Variants in SCARF2 observed in about 807,000 individuals in gnomAD.
SCARF2 encodes scavenger receptor class F member 2, also known as scavenger receptor expressed by endothelial cells 2 protein.
In SCARF2, 39 loss-of-function variants were observed where a neutral mutation model predicts 73.4. The observed-to-expected ratio is 0.53, with a 90% CI of 0.41 to 0.69. The LOEUF is 0.69. Among genes scored for constraint, SCARF2 ranks in the 30% least tolerant of loss-of-function variants. SCARF2 has a pLI of 0.00. For synonymous variants in SCARF2, 605 were observed against 590.0 expected, an observed-to-expected ratio of 1.03 and a Z score of -0.37; for missense variants, 1,148 against 1,303.5, an observed-to-expected ratio of 0.88 and a Z score of 1.84.
At position 20,431,833 on chromosome 22, in the gene SCARF2, G is replaced by C. The variant is rs1038676710; in HGVS notation, c.246C>G (p.Gly82=). ...CCTCGTTCTCTGAGCACGTGGAGTT[G>C]CCTTCGCACACCGCTGTGGACGAGA... is the stretch of plus-strand genomic sequence containing the variant. The part of the protein sequence containing the change: ...GDECGIAVCE[G]NSTCSENEVC... Residue 82 remains glycine (G), a synonymous_variant, in exon 3 of 11, where the codon GGC becomes GGG. Coordinates refer to ENST00000622235, the MANE Select transcript of SCARF2 (RefSeq NM_182895.5). The C allele has an allele frequency of 6.3e-7, 1 of 1,598,832 alleles. No individual in the cohort carries two copies.
chr22:20,425,539 C>A lies in SCARF2; in HGVS notation c.2437G>T (p.Ala813Ser). 1 of 1,340,272 alleles carries A rather than the reference C, an allele frequency of 7.5e-7. No homozygotes were observed. 83.0% of individuals were successfully genotyped at this position (1,340,272 alleles called of 1,614,324 possible). Residue 813 changes from alanine (A) to serine (S), a missense_variant, in exon 11 of 11, where the codon GCC (alanine) becomes TCC (serine). Physicochemically the swap from Ala to Ser is moderately conservative, Grantham distance 99 (BLOSUM62 1). Transcript: ENST00000622235. The surrounding 1 kb of genome is among the most constrained non-coding windows in gnomAD (Gnocchi z 4.6). ...AKRSVPPASP[A>S]RAPPATETPG... is the part of the protein sequence containing the mutation. ...GTTTCGGTCGCTGGGGGCGCGCGGG[C>A]GGGCGAGGCTGGCGGCACGGAGCGC...
chr22:20,436,997 C>T (rs908341519), intron 1 of SCARF2, among the ~76,000 whole-genome samples: 1 of 152,216 alleles, frequency 6.6e-6, no homozygotes, highest in Non-Finnish European at 1.5e-5. Context: ...GTCCCCTGTG[C>T]CTGTCATAGT....
At chr22:20,432,355 G>C (rs137865733) in intron 1 of SCARF2, among the ~76,000 whole-genome samples, 1 of 152,202 alleles carries the variant, frequency 6.6e-6, no homozygotes, top group Admixed American at 6.5e-5. Flanking sequence ...AGGGTCTAGG[G>C]CATCCCTCCA....
At chr22:20,432,311 G>A (rs1012356588) in intron 1 of SCARF2, among the ~76,000 whole-genome samples, 3 of 152,218 alleles carry the variant, frequency 2.0e-5, no homozygotes, top group Non-Finnish European at 4.4e-5. Flanking sequence ...CAGCCAGGGA[G>A]AAGACCATGG....
intron 1 of SCARF2, among the ~76,000 whole-genome samples, chr22:20,435,303 A>C (rs1229929166): frequency 6.6e-6 from 1 of 152,190 alleles, no homozygotes; most frequent in East Asian, 1.9e-4. Context: ...AAATGGGATC[A>C]CTTCCTCCTT....
intron 9 of SCARF2, among the ~76,000 whole-genome samples, chr22:20,428,062 C>T (rs1159205713): frequency 6.6e-6 from 1 of 152,230 alleles, no homozygotes; most frequent in Non-Finnish European, 1.5e-5. Context: ...GCCCCAGAAG[C>T]TGGCTAGCCT....
At chr22:20,433,264 G>A (rs1247387677) in intron 1 of SCARF2, among the ~76,000 whole-genome samples, 1 of 152,166 alleles carries the variant, frequency 6.6e-6, no homozygotes, top group Non-Finnish European at 1.5e-5. Flanking sequence ...CAAGGCTGCG[G>A]GATCCTAGGT....
In SCARF2 at chr22:20,425,934, G is replaced by C; in HGVS notation, c.2042C>G (p.Pro681Arg). 1.3e-6 allele frequency: 2 copies of C among 1,596,038 alleles called. No individual in the cohort carries two copies. The highest frequency in any genetic ancestry group is 1.7e-6 in the Non-Finnish European group (2 of 1,174,924). Reference protein sequence around the residue: ...KHSAAAAGRAPSPPPPGSEAA... With the variant: ...KHSAAAAGRARSPPPPGSEAA... Reference sequence around the variant, plus strand: ...CTCGGAGCCTGGCGGCGGTGGTGAGGGCGCACGGCCAGCTGCAGCGGCGCT... The same window carrying C: ...CTCGGAGCCTGGCGGCGGTGGTGAGCGCGCACGGCCAGCTGCAGCGGCGCT... The change falls in exon 11 of 11, where the codon CCC becomes CGC. Residue 681 changes from proline to arginine, a missense_variant. Physicochemically the swap from Pro to Arg is moderately radical, Grantham distance 103 (BLOSUM62 -2). This residue lies in a region of SCARF2 where 437 missense variants were observed against 433.6 expected (regional missense o/e 1.01). Coordinates refer to ENST00000622235, the MANE Select transcript of SCARF2 (RefSeq NM_182895.5). This position sits in a 1 kb window ranked among gnomAD's most constrained non-coding sequence, Gnocchi z 4.6.
intron 1 of SCARF2, 69 bp from the exon 2 acceptor site, chr22:20,432,057 C>G (rs1244595774): frequency 6.8e-7 from 1 of 1,476,196 alleles, no homozygotes; most frequent in Non-Finnish European, 9.2e-7. Flanking sequence ...CGGGCTCCTC[C>G]GCAGCCTCCG....
Position 20,429,837 on chromosome 22 carries a change from C to CCGGG in SCARF2, c.1203-8_1203-5dup, listed in dbSNP as rs775910848. 6.2e-7 allele frequency: 1 copy of CCGGG among 1,612,330 alleles called. No individual in the cohort carries two copies. Among genetic ancestry groups the CCGGG allele is most frequent in the Non-Finnish European group, 8.5e-7 (1 of 1,179,632 alleles). On this transcript the variant is annotated splice_region_variant and splice_polypyrimidine_tract_variant and intron_variant, in intron 6 of 10. Transcript: ENST00000622235. The surrounding 1 kb of genome is among the most constrained non-coding windows in gnomAD (Gnocchi z 5.2). Reference sequence around the variant, plus strand: ...GGGCGGGCACGTCACGTTACAGCTGCCGGGACATAGGGTCAAGGCATGCCA... The same window carrying CCGGG: ...GGGCGGGCACGTCACGTTACAGCTGCCGGGCGGGACATAGGGTCAAGGCATGCCA...
chr22:20,433,559 C>A (rs529912705), intron 1 of SCARF2, among the ~76,000 whole-genome samples: 1 of 152,306 alleles, frequency 6.6e-6, no homozygotes, highest in East Asian at 1.9e-4. Flanking sequence ...AATACCACCC[C>A]TTGTACAGAG....
rs1298748392 is a variant in SCARF2, at chr22:20,425,041, C to T, written c.*334G>A. 3.5e-6 allele frequency: 1 copy of T among 285,422 alleles called. No individual in the cohort carries two copies. Among genetic ancestry groups the T allele is most frequent in the Non-Finnish European group, 6.5e-6 (1 of 153,306 alleles). 17.7% of individuals were successfully genotyped at this position (285,422 alleles called of 1,614,324 possible). A position where few individuals can be genotyped will look rare whatever the true frequency, so the allele number is the denominator to read the frequency against. ...GAAGGTAGCCCTAACCAAGTCCACT[C>T]CTGGCCAGTAAGAGGCGGTCTTTAA... On this transcript the variant is annotated 3_prime_UTR_variant, in exon 11 of 11. Coordinates refer to ENST00000622235, the MANE Select transcript of SCARF2 (RefSeq NM_182895.5). The surrounding 1 kb of genome is among the most constrained non-coding windows in gnomAD (Gnocchi z 4.6).
Position 20,426,038 on chromosome 22 carries a change from C to T in SCARF2, c.1938G>A (p.Ser646=), listed in dbSNP as rs1169558480. ...ARGEIGGLSL[S]PSPERRKPPP... ...GCGGTTTCCTGCGCTCGGGCGATGGCGACAGCGACAGGCCCCCAATCTCGC... is the reference window on the plus strand; with the variant it reads ...GCGGTTTCCTGCGCTCGGGCGATGGTGACAGCGACAGGCCCCCAATCTCGC... The change falls in exon 11 of 11, where the codon TCG becomes TCA. Residue 646 remains serine (S), a synonymous_variant. Transcript: ENST00000622235. 4 of 1,576,622 alleles carry T rather than the reference C, an allele frequency of 2.5e-6. No individual in the cohort carries two copies. The highest frequency in any genetic ancestry group is 3.4e-6 in the Non-Finnish European group (4 of 1,169,990).
At position 20,425,971 on chromosome 22, in the gene SCARF2, G is replaced by A. The variant is rs1443498467; in HGVS notation, c.2005C>T (p.His669Tyr). 2 of 1,594,180 alleles carry A rather than the reference G, an allele frequency of 1.3e-6. No individual in the cohort carries two copies. The highest frequency in any genetic ancestry group is 1.7e-6 in the Non-Finnish European group (2 of 1,174,934). The change falls in exon 11 of 11, where the codon CAC becomes TAC. Residue 669 changes from histidine (H) to tyrosine (Y), a missense_variant. Physicochemically the swap from His to Tyr is moderately conservative, Grantham distance 83. Coordinates refer to ENST00000622235, the MANE Select transcript of SCARF2 (RefSeq NM_182895.5). The surrounding 1 kb of genome is among the most constrained non-coding windows in gnomAD (Gnocchi z 4.6). ...GCTGCAGCGGCGCTGTGCTTGCCGT[G>A]GATCCAGGACACCTTAGGCTTGGTG... is the stretch of plus-strand genomic sequence containing the variant. ...PATKPKVSWI[H>Y]GKHSAAAAGR...
At chr22:20,437,449 G>C in intron 1 of SCARF2, 133 bp downstream of exon 1, 1 of 961,294 alleles carries the variant, frequency 1.0e-6, no homozygotes, top group Non-Finnish European at 1.5e-6. Context: ...ACGGAGCCGC[G>C]CTGGCTAGGG....
chr22:20,429,846 A>AG lies in SCARF2; in HGVS notation c.1203-14dup. ...CGTCACGTTACAGCTGCCGGGACAT[A>AG]GGGTCAAGGCATGCCACAGCCGCCC... On this transcript the variant is annotated splice_polypyrimidine_tract_variant and intron_variant, in intron 6 of 10. Transcript: ENST00000622235. This position sits in a 1 kb window ranked among gnomAD's most constrained non-coding sequence, Gnocchi z 5.2. 1 of 1,611,472 alleles carries AG rather than the reference A, an allele frequency of 6.2e-7. No homozygotes were observed. The highest frequency in any genetic ancestry group is 8.5e-7 in the Non-Finnish European group (1 of 1,179,254).
rs2052631239 is a variant in SCARF2, at chr22:20,430,509, G to A, written c.1122C>T (p.Phe374=). The change falls in exon 6 of 11, where the codon TTC becomes TTT. Residue 374 remains phenylalanine, a synonymous_variant. Coordinates refer to ENST00000622235, the MANE Select transcript of SCARF2 (RefSeq NM_182895.5). Reference sequence around the variant, plus strand: ...GTCCGCTGCCGCAGTCGGCGCACACGAAGGCGCAGTCCTCGCCGTAAGTGC... The same window carrying A: ...GTCCGCTGCCGCAGTCGGCGCACACAAAGGCGCAGTCCTCGCCGTAAGTGC... ...SNGTYGEDCA[F]VCADCGSGHC... 7.5e-6 allele frequency: 12 copies of A among 1,605,812 alleles called. No homozygotes were observed. Among genetic ancestry groups the A allele is most frequent in the Non-Finnish European group, 8.5e-6 (10 of 1,176,786 alleles).
chr22:20,435,531 G>A (rs2052690908), intron 1 of SCARF2, among the ~76,000 whole-genome samples: 1 of 152,132 alleles, frequency 6.6e-6, no homozygotes, highest in African/African-American at 2.4e-5. Context: ...ACGGTGGCCT[G>A]CCCACCCTCA....
In SCARF2 at chr22:20,429,912, G is replaced by T; in HGVS notation, c.1203-79C>A. 1 of 1,432,912 alleles carries T rather than the reference G, an allele frequency of 7.0e-7. No homozygotes were observed. The highest frequency in any genetic ancestry group is 9.6e-7 in the Non-Finnish European group (1 of 1,046,616). 88.8% of individuals were successfully genotyped at this position (1,432,912 alleles called of 1,614,324 possible). A position where few individuals can be genotyped will look rare whatever the true frequency, so the allele number is the denominator to read the frequency against. On this transcript the variant is annotated intron_variant, in intron 6 of 10. Transcript: ENST00000622235. This position sits in a 1 kb window ranked among gnomAD's most constrained non-coding sequence, Gnocchi z 5.2. ...TACCCTCACCCCTCACCCGCGGCCA[G>T]GGCCCAGGGTCCAGGGTCCCAGAAC...
Sources: gnomAD v4.1 joint callset for allele counts (sites outside exome capture counted in the v4.1 genomes callset) on GRCh38, gnomAD v4.1.1 for gene constraint, gnomAD v4.1.1 regional missense constraint, Gnocchi (gnomAD v3.1) non-coding constraint, MANE v1.5 for transcripts, NCBI Gene and HGNC (gene_info 2026-07-23, HGNC 2026-07-21) for gene names.